The following MYBPC3 variants were observed in gnomAD, a reference collection of about 807,000 sequenced individuals.
The protein encoded by MYBPC3 is myosin-binding protein C, cardiac-type.
Under a neutral mutation model 159.3 loss-of-function variants are expected in MYBPC3, and 108 were observed. That is an observed-to-expected ratio of 0.68 (90% CI 0.58 to 0.80). The LOEUF is 0.80. Among genes scored for constraint, MYBPC3 ranks in the 30% least tolerant of loss-of-function variants. The pLI, the probability that MYBPC3 is intolerant of heterozygous loss-of-function variation, is 0.00. For synonymous variants in MYBPC3, 730 were observed against 702.0 expected (o/e 1.04, Z -0.63); for missense variants, 1,631 against 1,762.1 (o/e 0.93, Z 1.33).
intron 5 of MYBPC3, 81 bp downstream of exon 5, chr11:47,349,693 T>C: frequency 2.0e-6 from 3 of 1,510,392 alleles, no homozygotes; most frequent in Non-Finnish European, 2.7e-6. Context: ...CTGGGTCTCA[T>C]GGTGCCCTCT....
intron 26 of MYBPC3, 130 bp downstream of exon 26, chr11:47,335,747 A>G (rs532205785): frequency 5.3e-6 from 4 of 756,528 alleles, no homozygotes; most frequent in Non-Finnish European, 3.9e-6. Flanking sequence ...AACAGGACAG[A>G]TATTTCTCTG....
In MYBPC3 at chr11:47,339,746, T is replaced by C; in HGVS notation, c.1972A>G (p.Thr658Ala). Reference sequence around the variant, plus strand: ...TTATTTCCAGCTACAACCACAATGGTGTCTGGTATGCGGCCTGGGCAGTCC... The same window carrying C: ...TTATTTCCAGCTACAACCACAATGGCGTCTGGTATGCGGCCTGGGCAGTCC... ...HLDCPGRIPD[T>A]IVVVAGNKLR... The change falls in exon 21 of 35, where the codon ACC becomes GCC. Residue 658 changes from threonine to alanine, a missense_variant. Transcript: ENST00000545968. The C allele has an allele frequency of 1.9e-6, 3 of 1,613,788 alleles. No individual in the cohort carries two copies. The highest frequency in any genetic ancestry group is 2.5e-6 in the Non-Finnish European group (3 of 1,179,792).
chr11:47,333,510 C>T, intron 29 of MYBPC3, 47 bp downstream of exon 29: 7 of 1,596,126 alleles, frequency 4.4e-6, no homozygotes, highest in Non-Finnish European at 5.9e-6. Flanking sequence ...AGCAGCCCAG[C>T]CCAGGGAAGG....
chr11:47,344,914 C>T (rs1382557473), intron 12 of MYBPC3, among the ~76,000 whole-genome samples: 1 of 152,150 alleles, frequency 6.6e-6, no homozygotes, highest in East Asian at 1.9e-4. Flanking sequence ...CCTCAGCCTC[C>T]GGAGTAGCTG....
intron 13 of MYBPC3, 30 bp downstream of exon 13, chr11:47,343,462 C>A (rs765512898): frequency 1.3e-6 from 2 of 1,556,414 alleles, no homozygotes; most frequent in South Asian, 1.2e-5. Flanking sequence ...CCACCTCCAC[C>A]CGAGCCCCCC....
Position 47,337,460 on chromosome 11 carries a change from G to C in MYBPC3, c.2533C>G (p.Arg845Gly), listed in dbSNP as rs727504345. 1 of 1,613,578 alleles carries C rather than the reference G, an allele frequency of 6.2e-7. No individual in the cohort carries two copies. The highest frequency in any genetic ancestry group is 1.1e-5 in the South Asian group (1 of 91,086). ...CCGATGGCGTTGACCGCGTAGACGCGCATCTCGTACACCACGCCCTCGATC... is the reference window on the plus strand; with the variant it reads ...CCGATGGCGTTGACCGCGTAGACGCCCATCTCGTACACCACGCCCTCGATC... ...RMIEGVVYEM[R>G]VYAVNAIGMS... The change falls in exon 25 of 35, where the codon CGC becomes GGC. Residue 845 changes from arginine to glycine, a missense_variant. Transcript: ENST00000545968.
At position 47,342,877 on chromosome 11, in the gene MYBPC3, C is replaced by T. The variant is rs1293082131; in HGVS notation, c.1410G>A (p.Arg470=). 1 of 1,613,174 alleles carries T rather than the reference C, an allele frequency of 6.2e-7. No homozygotes were observed. The highest frequency in any genetic ancestry group is 8.5e-7 in the Non-Finnish European group (1 of 1,179,500). ...LEDQLVMVGQ[R]VEFECEVSEE... ...CCGATACTTCACACTCAAACTCCAC[C>T]CGCTGCCCCACCATCACCAGCTGGT... is the stretch of plus-strand genomic sequence containing the variant. The change falls in exon 16 of 35, where the codon CGG becomes CGA. Residue 470 remains arginine (R), a synonymous_variant. Transcript: ENST00000545968.
chr11:47,331,679 C>T lies in MYBPC3; in HGVS notation c.*64G>A, dbSNP rs2095875292. On this transcript the variant is annotated 3_prime_UTR_variant, in exon 35 of 35. Transcript: ENST00000545968. ...GTAGGGAGGGGTTTCCCCAACTTCC[C>T]TCCAGGCTCCTGGCACGGGGCTGGC... The T allele has an allele frequency of 2.1e-5, 15 of 712,262 alleles. No homozygotes were observed. In the South Asian group the frequency reaches 2.9e-4, roughly 14 times the overall value. The allele number at this position is 712,262 out of a possible 1,614,324, so 44.1% of individuals were successfully genotyped here.
At position 47,347,906 on chromosome 11, in the gene MYBPC3, C is replaced by G. The variant is rs2142865708; in HGVS notation, c.773-1G>C. The stretch of plus-strand genomic sequence containing the variant: ...TCCAGGTCTCCGGTGCCCATGGCCT[C>G]TGGGTTCAAAGGGTGGAGAGATGGG... On this transcript the variant is annotated splice_acceptor_variant, in intron 6 of 34. Transcript: ENST00000545968. LOFTEE classifies it high-confidence loss of function. The G allele has an allele frequency of 2.5e-6, 4 of 1,573,142 alleles. No homozygotes were observed. Among genetic ancestry groups the G allele is most frequent in the Non-Finnish European group, 3.4e-6 (4 of 1,159,752 alleles).
At position 47,351,197 on chromosome 11, in the gene MYBPC3, C is replaced by T. The variant is rs1288065163; in HGVS notation, c.292+42G>A. On this transcript the variant is annotated intron_variant, in intron 2 of 34. Coordinates refer to ENST00000545968, the MANE Select transcript of MYBPC3 (RefSeq NM_000256.3). This position sits in a 1 kb window ranked among gnomAD's most constrained non-coding sequence, Gnocchi z 4.2. ...TGGAGAGTCGCTGGGCTGCCCCTCC[C>T]CCAGCAGCCCAAACCTCAGGGAAGG... is the stretch of plus-strand genomic sequence containing the variant. The T allele has an allele frequency of 1.4e-6, 2 of 1,468,480 alleles. No individual in the cohort carries two copies. The highest frequency in any genetic ancestry group is 9.1e-7 in the Non-Finnish European group (1 of 1,100,318). The allele number at this position is 1,468,480 out of a possible 1,614,324, so 91.0% of individuals were successfully genotyped here.
intron 28 of MYBPC3, 57 bp from the exon 29 acceptor site, chr11:47,333,809 C>A: frequency 6.4e-7 from 1 of 1,550,562 alleles, no homozygotes; most frequent in Non-Finnish European, 8.7e-7. Flanking sequence ...CCGGCCGCCA[C>A]CCCAGCCTCT....
In MYBPC3 at chr11:47,331,890, G is replaced by A; in HGVS notation, c.3815-9C>T. On this transcript the variant is annotated splice_polypyrimidine_tract_variant and intron_variant, in intron 33 of 34. Coordinates refer to ENST00000545968, the MANE Select transcript of MYBPC3 (RefSeq NM_000256.3). Reference sequence around the variant, plus strand: ...GCCTGGTCACTGAGGCACTGCAGAAGAGGAGGCCATGTCACTGTGTCCTCC... The same window carrying A: ...GCCTGGTCACTGAGGCACTGCAGAAAAGGAGGCCATGTCACTGTGTCCTCC... 1 of 1,610,300 alleles carries A rather than the reference G, an allele frequency of 6.2e-7. No homozygotes were observed. The highest frequency in any genetic ancestry group is 8.5e-7 in the Non-Finnish European group (1 of 1,178,624).
In MYBPC3 at chr11:47,334,045, C is replaced by T. The variant is rs1213785587; in HGVS notation, c.2906-35G>A. 1.4e-5 allele frequency: 22 copies of T among 1,541,864 alleles called. No homozygotes were observed. The Admixed American group carries it at 2.0e-4, about 14-fold the overall frequency. On this transcript the variant is annotated intron_variant, in intron 27 of 34. Coordinates refer to ENST00000545968, the MANE Select transcript of MYBPC3 (RefSeq NM_000256.3). ...TAGAGTGGGTAGCTAAGTGAGGGCC[C>T]GCCACAGCTCTGAGGGGCTCCACAG...
Position 47,334,034 on chromosome 11 carries a change from A to C in MYBPC3, c.2906-24T>G, listed in dbSNP as rs1363842381. 19 of 1,555,646 alleles carry C rather than the reference A, an allele frequency of 1.2e-5. No individual in the cohort carries two copies. The Admixed American group carries it at 1.9e-4, about 16-fold the overall frequency. Reference sequence around the variant, plus strand: ...TTCTGTGGGTATAGAGTGGGTAGCTAAGTGAGGGCCCGCCACAGCTCTGAG... The same window carrying C: ...TTCTGTGGGTATAGAGTGGGTAGCTCAGTGAGGGCCCGCCACAGCTCTGAG... On this transcript the variant is annotated intron_variant, in intron 27 of 34. Transcript: ENST00000545968.
In MYBPC3 at chr11:47,332,189, G is replaced by A. The variant is rs397516037; in HGVS notation, c.3697C>T (p.Gln1233Ter). 8.7e-6 allele frequency: 14 copies of A among 1,613,864 alleles called. No homozygotes were observed. The highest frequency in any genetic ancestry group is 1.1e-5 in the Non-Finnish European group (13 of 1,179,892). The change falls in exon 33 of 35, where the codon CAG (glutamine) becomes TAG (stop). Residue 1233 changes from glutamine to a stop codon, truncating the protein, a stop_gained. Coordinates refer to ENST00000545968, the MANE Select transcript of MYBPC3 (RefSeq NM_000256.3). LOFTEE classifies it high-confidence loss of function. This position sits in a 1 kb window ranked among gnomAD's most constrained non-coding sequence, Gnocchi z 4.2. ...CTAATCTCCAGAGTCAACACTCCCT[G>A]CTTGCTGAACATGCGGAAGCGGGCG... is the stretch of plus-strand genomic sequence containing the variant. The part of the protein sequence containing the change: ...EDARFRMFSK[Q>*]GVLTLEIRKP...
At chr11:47,340,295 G>A (rs547142712) in intron 20 of MYBPC3, among the ~76,000 whole-genome samples, 10 of 151,822 alleles carry the variant, frequency 6.6e-5, no homozygotes, top group African/African-American at 1.9e-4. Context: ...ACACACGCGC[G>A]CACACATGCA....
In MYBPC3 at chr11:47,349,848, C is replaced by T. The variant is rs2095898517; in HGVS notation, c.580G>A (p.Gly194Ser). ...TTGCTGCTCAGGTCCACCCATTTGC[C>T]CTTGAACCACTTGACCACAGGCGGC... Reference protein sequence around the residue: ...LKPPVVKWFKGKWVDLSSKVG... With the variant: ...LKPPVVKWFKSKWVDLSSKVG... The change falls in exon 5 of 35, where the codon GGC (glycine) becomes AGC (serine). Residue 194 changes from glycine to serine, a missense_variant. By Grantham distance (56) the Gly-to-Ser change is moderately conservative (BLOSUM62 0). Transcript: ENST00000545968. 1.2e-6 allele frequency: 2 copies of T among 1,612,720 alleles called. No homozygotes were observed. Among genetic ancestry groups the T allele is most frequent in the Non-Finnish European group, 1.7e-6 (2 of 1,179,696 alleles).
chr11:47,334,653 C>T (rs990234465), intron 27 of MYBPC3, among the ~76,000 whole-genome samples: 3 of 152,080 alleles, frequency 2.0e-5, no homozygotes, highest in African/African-American at 4.8e-5. Context: ...TGCCACCTCC[C>T]GGGTCCAAGC....
At chr11:47,348,028 G>T in intron 6 of MYBPC3, 123 bp from the exon 7 acceptor site, 1 of 961,494 alleles carries the variant, frequency 1.0e-6, no homozygotes, top group Non-Finnish European at 1.6e-6. Flanking sequence ...ATGAGGCTGG[G>T]CATCTGCCCC....
Sources: gnomAD v4.1 joint callset for allele counts (sites outside exome capture counted in the v4.1 genomes callset) on GRCh38, gnomAD v4.1.1 for gene constraint, Gnocchi (gnomAD v3.1) non-coding constraint, MANE v1.5 for transcripts, NCBI Gene and HGNC (gene_info 2026-07-23, HGNC 2026-07-21) for gene names.